Variants in POLR3B observed in about 807,000 individuals in gnomAD.
POLR3B encodes DNA-directed RNA polymerase III subunit RPC2.
A neutral mutation model predicts 147.4 loss-of-function variants in POLR3B; 96 were observed. That is an observed-to-expected ratio of 0.65 (90% CI 0.55 to 0.77). POLR3B has a LOEUF of 0.77. POLR3B is among the 30% of genes least tolerant of loss of function. The pLI is 0.00. For missense variants in POLR3B, 1,036 were observed against 1,413.5 expected (o/e 0.73, Z 4.28); for synonymous variants, 461 against 485.9 (o/e 0.95, Z 0.67).
At chr12:106,374,336 G>A (rs890216861) in intron 6 of POLR3B, among the ~76,000 whole-genome samples, 1 of 151,826 alleles carries the variant, frequency 6.6e-6, no homozygotes, top group Non-Finnish European at 1.5e-5. Context: ...CCCACCTCCA[G>A]CCTCCCTGGT....
At chr12:106,501,464 T>C (rs1419798360) in intron 26 of POLR3B, 28 bp downstream of exon 26, 2 of 1,284,114 alleles carry the variant, frequency 1.6e-6, no homozygotes, top group South Asian at 1.2e-5. Flanking sequence ...ACAAAAAGAA[T>C]TGATAATGCA....
chr12:106,500,257 G>C (rs562109693), intron 25 of POLR3B: 27 of 435,328 alleles, frequency 6.2e-5, no homozygotes, highest in South Asian at 4.3e-4. Context: ...TCTTGCTCCA[G>C]ATTAATGAGA....
At chr12:106,466,718 C>T (rs1455612052) in intron 23 of POLR3B, among the ~76,000 whole-genome samples, 1 of 152,124 alleles carries the variant, frequency 6.6e-6, no homozygotes, top group African/African-American at 2.4e-5. Context: ...AATTTTTTCC[C>T]CATTGCTTGT....
chr12:106,395,689 G>GT (rs1478779331), intron 10 of POLR3B, among the ~76,000 whole-genome samples: 3 of 151,934 alleles, frequency 2.0e-5, no homozygotes, highest in Non-Finnish European at 4.4e-5. Context: ...GTGGGGTTTT[G>GT]TTTTTTTGGC....
intron 10 of POLR3B, among the ~76,000 whole-genome samples, chr12:106,398,876 A>T (rs1593018652): frequency 6.6e-6 from 1 of 152,190 alleles, no homozygotes; most frequent in Non-Finnish European, 1.5e-5. Context: ...AACCACAAAG[A>T]TGGGGAAAAA....
chr12:106,484,011 C>T (rs2038305218), intron 23 of POLR3B, among the ~76,000 whole-genome samples: 1 of 152,090 alleles, frequency 6.6e-6, no homozygotes, highest in Admixed American at 6.5e-5. Context: ...GAACACAGTG[C>T]CTGATGCACA....
At position 106,435,259 on chromosome 12, in the gene POLR3B, G is replaced by A. The variant is rs192056052; in HGVS notation, c.1781+1387G>A. Among the ~76,000 whole-genome samples, 7 of 81,964 alleles carry A rather than the reference G, an allele frequency of 8.5e-5. No individual in the cohort carries two copies. The East Asian group carries it at 1.8e-3, about 21-fold the overall frequency. 53.8% of individuals were successfully genotyped at this position (81,964 alleles called of 152,430 possible). Reference sequence around the variant, plus strand: ...TCTCATGTCTCAGCTCCCCACCCCCGTCCCTGACCCAGTAGCTGGGATTAC... The same window carrying A: ...TCTCATGTCTCAGCTCCCCACCCCCATCCCTGACCCAGTAGCTGGGATTAC... On this transcript the variant is annotated intron_variant, in intron 16 of 27. Transcript: ENST00000228347.
chr12:106,485,908 G>A (rs530416511), intron 23 of POLR3B, among the ~76,000 whole-genome samples: 1 of 152,232 alleles, frequency 6.6e-6, no homozygotes, highest in South Asian at 2.1e-4. Context: ...TTTACTTTTT[G>A]TGTATTGATC....
In POLR3B at chr12:106,493,047, G is replaced by A. The variant is rs181328196; in HGVS notation, c.2714-3008G>A. Among the ~76,000 whole-genome samples the A allele has an allele frequency of 4.4e-4, 67 of 152,302 alleles. 1 individual carries two copies. Among genetic ancestry groups the A allele is most frequent in the Admixed American group, 3.7e-3 (56 of 15,292 alleles). ...TGTAAACAATGGGGTTGAGACACCAGCTTGAGCCAGGGGATGAAATTTTAT... is the reference window on the plus strand; with the variant it reads ...TGTAAACAATGGGGTTGAGACACCAACTTGAGCCAGGGGATGAAATTTTAT... On this transcript the variant is annotated intron_variant, in intron 23 of 27. Coordinates refer to ENST00000228347, the MANE Select transcript of POLR3B (RefSeq NM_018082.6).
At chr12:106,360,991 A>C (rs940357669) in intron 1 of POLR3B, among the ~76,000 whole-genome samples, 1 of 152,220 alleles carries the variant, frequency 6.6e-6, no homozygotes, top group East Asian at 1.9e-4. Flanking sequence ...GTGCGGAAGC[A>C]TTCCAGATAG....
At chr12:106,393,844 A>G (rs1426686049) in intron 10 of POLR3B, among the ~76,000 whole-genome samples, 1 of 151,906 alleles carries the variant, frequency 6.6e-6, no homozygotes. Flanking sequence ...TCCCACATGG[A>G]GGGAGCCCCA....
intron 23 of POLR3B, among the ~76,000 whole-genome samples, chr12:106,480,998 T>C (rs17221107): frequency 0.39 from 59,755 of 151,940 alleles, 13,914 homozygotes; most frequent in African/African-American, 0.65. Context: ...TGAGTAAAGA[T>C]CTGAGAGAAG....
chr12:106,441,354 G>A (rs141064572), intron 18 of POLR3B, among the ~76,000 whole-genome samples: 182 of 152,266 alleles, frequency 1.2e-3, no homozygotes, highest in African/African-American at 4.1e-3. Context: ...CCTAGATGGT[G>A]TCTGTCACCC....
intron 4 of POLR3B, among the ~76,000 whole-genome samples, chr12:106,368,172 T>C (rs900209159): frequency 2.6e-5 from 4 of 152,016 alleles, no homozygotes; most frequent in South Asian, 2.1e-4. Flanking sequence ...CCATTATTTT[T>C]TGAGCACTCC....
Position 106,509,611 on chromosome 12 carries a change from G to T in POLR3B, c.*62G>T. 1 of 1,468,882 alleles carries T rather than the reference G, an allele frequency of 6.8e-7. No homozygotes were observed. The highest frequency in any genetic ancestry group is 9.5e-7 in the Non-Finnish European group (1 of 1,055,788). The allele number at this position is 1,468,882 out of a possible 1,614,324, so 91.0% of individuals were successfully genotyped here. ...ACATCCAATGCAACGGAAAGCAGAAGGGATTTAGGACTACGTCTCCTCCTG... is the reference window on the plus strand; with the variant it reads ...ACATCCAATGCAACGGAAAGCAGAATGGATTTAGGACTACGTCTCCTCCTG... On this transcript the variant is annotated 3_prime_UTR_variant, in exon 28 of 28. Coordinates refer to ENST00000228347, the MANE Select transcript of POLR3B (RefSeq NM_018082.6).
chr12:106,441,277 G>A (rs2037647870), intron 18 of POLR3B, among the ~76,000 whole-genome samples: 1 of 152,124 alleles, frequency 6.6e-6, no homozygotes, highest in African/African-American at 2.4e-5. Flanking sequence ...TAATGATGGG[G>A]ATGCGTTCTG....
intron 10 of POLR3B, among the ~76,000 whole-genome samples, chr12:106,403,055 A>T (rs1162994741): frequency 2.5e-4 from 38 of 151,660 alleles, no homozygotes; most frequent in African/African-American, 8.9e-4. Context: ...TTTGCAACCT[A>T]CTCATCTGAC....
chr12:106,367,109 A>T (rs1322465128), intron 4 of POLR3B, among the ~76,000 whole-genome samples: 2 of 152,232 alleles, frequency 1.3e-5, no homozygotes, highest in African/African-American at 4.8e-5. Flanking sequence ...ACTCAAAAAA[A>T]TAAAAAATGA....
At chr12:106,493,707 A>T (rs1342174555) in intron 23 of POLR3B, among the ~76,000 whole-genome samples, 9 of 152,170 alleles carry the variant, frequency 5.9e-5, no homozygotes, top group Admixed American at 5.9e-4. Flanking sequence ...CTGCAGTTGG[A>T]TGTGTAGCTT....
Sources: gnomAD v4.1 joint callset for allele counts (sites outside exome capture counted in the v4.1 genomes callset) on GRCh38, gnomAD v4.1.1 for gene constraint, MANE v1.5 for transcripts, NCBI Gene and HGNC (gene_info 2026-07-23, HGNC 2026-07-21) for gene names.